DDX18: variants seen among roughly 807,000 people sequenced by gnomAD.
DDX18 encodes DEAD-box helicase 18, also known as ATP-dependent RNA helicase DDX18.
Under a neutral mutation model 73.5 loss-of-function variants are expected in DDX18, and 23 were observed. That is an observed-to-expected ratio of 0.31 (90% CI 0.23 to 0.44). The LOEUF (loss-of-function observed/expected upper bound fraction) is 0.44. Ranked by LOEUF, DDX18 falls within the 20% of genes least tolerant of loss-of-function variation. The pLI is 1.00. For missense variants in DDX18, 753 were observed against 792.9 expected (o/e 0.95, Z 0.60); for synonymous variants, 268 against 282.7 (o/e 0.95, Z 0.52).
rs1441301045 is a variant in DDX18, at chr2:117,829,293, A to G, written c.1697A>G (p.Glu566Gly). Residue 566 changes from glutamate to glycine, a missense_variant, in exon 13 of 14, where the codon GAG becomes GGG. By Grantham distance (98) the Glu-to-Gly change is moderately conservative. Transcript: ENST00000263239. Reference sequence around the variant, plus strand: ...CAGTGTTTCTTTCTATTTCAGCTTGAGAAATTGATTGAAAAGAATTACTTT... The same window carrying G: ...CAGTGTTTCTTTCTATTTCAGCTTGGGAAATTGATTGAAAAGAATTACTTT... ...SKISDIQSQL[E>G]KLIEKNYFLH... The G allele has an allele frequency of 6.3e-7, 1 of 1,585,208 alleles. No homozygotes were observed. The highest frequency in any genetic ancestry group is 8.6e-7 in the Non-Finnish European group (1 of 1,169,494).
rs1286279308 is a variant in DDX18, at chr2:117,830,636, G to A, written c.1925G>A (p.Gly642Asp). 3.7e-6 allele frequency: 6 copies of A among 1,613,730 alleles called. No individual in the cohort carries two copies. The highest frequency in any genetic ancestry group is 5.1e-6 in the Non-Finnish European group (6 of 1,179,834). The change falls in exon 14 of 14, where the codon GGC (glycine) becomes GAC (aspartate). Residue 642 changes from glycine to aspartate, a missense_variant. Physicochemically the swap from Gly to Asp is moderately conservative, Grantham distance 94 (BLOSUM62 -1). Around this residue, in one of 3 missense-constraint regions of DDX18, gnomAD observed 402 missense variants for 419.4 expected, o/e 0.96. Coordinates refer to ENST00000263239, the MANE Select transcript of DDX18 (RefSeq NM_006773.4). ...QKKRGGGGGF[G>D]YQKTKKVEKS... ...AAGCGAGGAGGTGGTGGTGGATTTG[G>A]CTACCAGAAAACCAAGAAAGTTGAG...
rs147641419 is a variant in DDX18 at position 117,824,588 on chromosome 2, C to G, written c.1086C>G (p.Leu362=). Reference sequence around the variant, plus strand: ...TTTCAGCACGTAGACAGACTATGCTCTTTTCTGCCACCCAAACTCGAAAAG... The same window carrying G: ...TTTCAGCACGTAGACAGACTATGCTGTTTTCTGCCACCCAAACTCGAAAAG... ...KLLPTRRQTM[L]FSATQTRKVE... The change falls in exon 8 of 14, where the codon CTC becomes CTG. Residue 362 remains leucine, a synonymous_variant. Transcript: ENST00000263239. 20 of 1,474,902 alleles carry G rather than the reference C, an allele frequency of 1.4e-5. No homozygotes were observed. The highest frequency in any genetic ancestry group is 2.9e-5 in the African/African-American group (2 of 69,080). The allele number at this position is 1,474,902 out of a possible 1,614,324, so 91.4% of individuals were successfully genotyped here.
rs773481366 is a variant in DDX18 at position 117,814,784 on chromosome 2, C to T, written c.7C>T (p.His3Tyr). Residue 3 changes from histidine to tyrosine, a missense_variant, in exon 1 of 14, where the codon CAC becomes TAC. Around this residue, in one of 3 missense-constraint regions of DDX18, gnomAD observed 345 missense variants for 352.0 expected, o/e 0.98. Transcript: ENST00000263239. ...TAGGCACTTGTTGGGCAGAATGTCA[C>T]ACCTGCCGATGAAACTCCTGCGTAA... is the stretch of plus-strand genomic sequence containing the variant. MS[H>Y]LPMKLLRKKI... 1 of 1,614,194 alleles carries T rather than the reference C, an allele frequency of 6.2e-7. No homozygotes were observed. The highest frequency in any genetic ancestry group is 1.1e-5 in the South Asian group (1 of 91,086).
chr2:117,821,819 T>C (rs775656427), intron 5 of DDX18, 43 bp from the exon 6 acceptor site: 72 of 1,612,672 alleles, frequency 4.5e-5, no homozygotes, highest in Non-Finnish European at 5.7e-5. Flanking sequence ...ACGGACTCAG[T>C]GGTGACAGCC....
intron 9 of DDX18, 131 bp downstream of exon 9, chr2:117,825,232 C>T: frequency 1.5e-6 from 2 of 1,305,672 alleles, no homozygotes; most frequent in African/African-American, 1.5e-5. Context: ...ATGATGGATC[C>T]TGTGTGGGGG....
chr2:117,825,945 A>G (rs896295687), intron 10 of DDX18: 27 of 393,168 alleles, frequency 6.9e-5, no homozygotes, highest in African/African-American at 4.0e-4. Context: ...AGTATTTTCA[A>G]CAAACACTGG....
chr2:117,825,576 T>G lies in DDX18; in HGVS notation c.1498T>G (p.Tyr500Asp). 6.2e-7 allele frequency: 1 copy of G among 1,614,086 alleles called. No homozygotes were observed. The highest frequency in any genetic ancestry group is 8.5e-7 in the Non-Finnish European group (1 of 1,179,972). ...TCCTGAAGTCGACTGGATTGTTCAG[T>G]ATGACCCTCCGGATGACCCTAAGGT... ...DIPEVDWIVQ[Y>D]DPPDDPKEYI... The change falls in exon 10 of 14, where the codon TAT (tyrosine) becomes GAT (aspartate). Residue 500 changes from tyrosine to aspartate, a missense_variant. This residue lies in a region of DDX18 where 402 missense variants were observed against 419.4 expected (regional missense o/e 0.96). Transcript: ENST00000263239.
intron 11 of DDX18, 190 bp downstream of exon 11, chr2:117,826,572 T>C: frequency 1.7e-6 from 1 of 597,980 alleles, no homozygotes; most frequent in Non-Finnish European, 3.0e-6. Context: ...CCCACATGGC[T>C]CGGCTTTCTA....
chr2:117,830,477 G>A (rs778376246), intron 13 of DDX18, 105 bp from the exon 14 acceptor site: 3 of 1,311,144 alleles, frequency 2.3e-6, no homozygotes, highest in Non-Finnish European at 3.1e-6. Flanking sequence ...TTGAGAATGG[G>A]GTTGTGGAGG....
intron 13 of DDX18, 152 bp from the exon 14 acceptor site, chr2:117,830,430 A>C (rs1680001782): frequency 3.1e-6 from 3 of 979,342 alleles, no homozygotes; most frequent in East Asian, 5.8e-5. Flanking sequence ...TTTTCTGGAA[A>C]TTTATTGCAT....
intron 2 of DDX18, among the ~76,000 whole-genome samples, chr2:117,818,027 T>A (rs1240773964): frequency 6.6e-6 from 1 of 152,254 alleles, no homozygotes; most frequent in Non-Finnish European, 1.5e-5. Context: ...GTTACCTTTT[T>A]TCCTGCTTGA....
intron 9 of DDX18, 126 bp from the exon 10 acceptor site, chr2:117,825,321 G>A (rs1679907193): frequency 7.7e-7 from 1 of 1,306,182 alleles, no homozygotes; most frequent in Admixed American, 2.2e-5. Context: ...TTGCGGAACA[G>A]TTGGGGAAAT....
intron 10 of DDX18, chr2:117,825,830 C>G: frequency 2.1e-6 from 1 of 482,576 alleles, no homozygotes. Flanking sequence ...AAATGAGATC[C>G]TTGGAATGAT....
chr2:117,829,510 A>C, intron 13 of DDX18, 44 bp downstream of exon 13: 1 of 1,566,964 alleles, frequency 6.4e-7, no homozygotes, highest in Non-Finnish European at 8.7e-7. Context: ...TAAGGAACAA[A>C]AGCTTGACAG....
chr2:117,819,165 G>A (rs1211619497), intron 2 of DDX18, among the ~76,000 whole-genome samples: 1 of 152,164 alleles, frequency 6.6e-6, no homozygotes, highest in Non-Finnish European at 1.5e-5. Context: ...AAATGAGGGT[G>A]GGAAGAAGCC....
intron 1 of DDX18, 150 bp downstream of exon 1, chr2:117,815,012 G>T: frequency 1.4e-6 from 1 of 730,950 alleles, no homozygotes; most frequent in Non-Finnish European, 2.3e-6. Flanking sequence ...GCTTCCACTC[G>T]GGACCCGCGC....
Position 117,819,719 on chromosome 2 carries a change from A to G in DDX18, c.441A>G (p.Thr147=), listed in dbSNP as rs1679813883. The G allele has an allele frequency of 6.2e-7, 1 of 1,610,784 alleles. No individual in the cohort carries two copies. Among genetic ancestry groups the G allele is most frequent in the African/African-American group, 1.3e-5 (1 of 74,824 alleles). ...AAAGTGCCGAGACTACTAAAGAAAC[A>G]GAAAATAATGTGGAGAAGCCAGATA... ...EEESAETTKE[T]ENNVEKPDND... is the part of the protein sequence containing the mutation. The change falls in exon 3 of 14, where the codon ACA becomes ACG. Residue 147 remains threonine, a synonymous_variant. Coordinates refer to ENST00000263239, the MANE Select transcript of DDX18 (RefSeq NM_006773.4).
At chr2:117,821,519 C>T in intron 4 of DDX18, 131 bp from the exon 5 acceptor site, 1 of 1,129,792 alleles carries the variant, frequency 8.9e-7, no homozygotes, top group East Asian at 2.5e-5. Context: ...AGTATATAAC[C>T]CAGGTGATCA....
chr2:117,829,524 G>A, intron 13 of DDX18, 58 bp downstream of exon 13: 2 of 1,505,726 alleles, frequency 1.3e-6, no homozygotes, highest in Non-Finnish European at 1.8e-6. Flanking sequence ...TTGACAGAGG[G>A]GCATTTGGGG....
Sources: allele counts gnomAD v4.1 joint callset (sites outside exome capture counted in the v4.1 genomes callset), GRCh38; gene constraint gnomAD v4.1.1; regional missense constraint gnomAD v4.1.1; transcripts MANE v1.5; gene names NCBI Gene and HGNC (gene_info 2026-07-23, HGNC 2026-07-21).